PLCG2: variants seen among roughly 807,000 people sequenced by gnomAD.
PLCG2 encodes 1-phosphatidylinositol 4,5-bisphosphate phosphodiesterase gamma-2.
Under a neutral mutation model 175.6 loss-of-function variants are expected in PLCG2, and 69 were observed. The observed-to-expected ratio is 0.39, with a 90% CI of 0.32 to 0.48. PLCG2 has a LOEUF of 0.48. PLCG2 is among the 20% of genes least tolerant of loss of function. The pLI is 0.91. For missense variants in PLCG2, 1,798 were observed against 1,650.9 expected (o/e 1.09, Z -1.54); for synonymous variants, 827 against 624.0 (o/e 1.33, Z -4.85).
chr16:81,937,123 C>T (rs182459862), intron 27 of PLCG2, among the ~76,000 whole-genome samples: 37 of 152,322 alleles, frequency 2.4e-4, no homozygotes, highest in African/African-American at 7.2e-4. Flanking sequence ...CCACTGAAGA[C>T]GTGCCTGAGC....
intron 1 of PLCG2, among the ~76,000 whole-genome samples, chr16:81,781,046 C>T (rs1387200101): frequency 6.6e-6 from 1 of 151,622 alleles, no homozygotes; most frequent in Non-Finnish European, 1.5e-5. Flanking sequence ...AACAAACAAA[C>T]AAACACACAC....
chr16:81,937,719 C>G (rs1201393270), intron 27 of PLCG2, 39 bp from the exon 28 acceptor site: 3 of 1,600,196 alleles, frequency 1.9e-6, no homozygotes, highest in Admixed American at 1.7e-5. Flanking sequence ...CCAGCGTGCT[C>G]ATGCCTGACT....
At chr16:81,882,893 C>T (rs1908156957) in intron 8 of PLCG2, among the ~76,000 whole-genome samples, 1 of 152,112 alleles carries the variant, frequency 6.6e-6, no homozygotes, top group South Asian at 2.1e-4. Context: ...GCCATTCCCA[C>T]TCTTCCCCTC....
intron 2 of PLCG2, among the ~76,000 whole-genome samples, chr16:81,788,550 A>G (rs1380240200): frequency 6.6e-6 from 1 of 152,172 alleles, no homozygotes; most frequent in Non-Finnish European, 1.5e-5. Flanking sequence ...CCCACAAAAG[A>G]GGTTGCCCCC....
chr16:81,901,598 C>T (rs1315192714), intron 14 of PLCG2, among the ~76,000 whole-genome samples: 1 of 152,212 alleles, frequency 6.6e-6, no homozygotes, highest in Non-Finnish European at 1.5e-5. Context: ...AAAAAAATTA[C>T]ATCTTTATTT....
chr16:81,901,611 T>G (rs373593912), intron 14 of PLCG2, among the ~76,000 whole-genome samples: 67 of 152,356 alleles, frequency 4.4e-4, no homozygotes, highest in African/African-American at 1.4e-3. Context: ...CTTTATTTGT[T>G]TAACCTGTAC....
At chr16:81,827,055 G>C (rs1567484793) in intron 2 of PLCG2, among the ~76,000 whole-genome samples, 1 of 152,158 alleles carries the variant, frequency 6.6e-6, no homozygotes, top group Non-Finnish European at 1.5e-5. Flanking sequence ...AGATTCCTAA[G>C]CCCCATGATT....
chr16:81,824,362 G>C (rs949692298), intron 2 of PLCG2, among the ~76,000 whole-genome samples: 1 of 152,146 alleles, frequency 6.6e-6, no homozygotes, highest in Non-Finnish European at 1.5e-5. Flanking sequence ...TTGAACTCCT[G>C]ATCTTAAGTA....
At position 81,808,878 on chromosome 16, in the gene PLCG2, A is replaced by G. The variant is rs140182620; in HGVS notation, c.193+22696A>G. 2.0e-4 allele frequency among the ~76,000 whole-genome samples: 30 copies of G among 152,276 alleles called. No individual in the cohort carries two copies. The East Asian group carries it at 4.6e-3, about 23-fold the overall frequency. ...TATGCAAAATGGGGCTTATCAGAGC[A>G]TGCTGGAGGGGCTCCCATGAGATCA... On this transcript the variant is annotated intron_variant, in intron 2 of 32. Transcript: ENST00000564138.
At chr16:81,758,589 C>T (rs1909976325) in intron 2 of PLCG2, among the ~76,000 whole-genome samples, 1 of 152,094 alleles carries the variant, frequency 6.6e-6, no homozygotes, top group East Asian at 1.9e-4. Context: ...TTTTCCACAG[C>T]AGCTGCAACA....
intron 2 of PLCG2, among the ~76,000 whole-genome samples, chr16:81,832,103 G>T (rs951971553): frequency 8.1e-6 from 1 of 124,134 alleles, no homozygotes. Flanking sequence ...TTTGATAAAT[G>T]GAGGGGGGGA....
At chr16:81,930,315 T>G (rs183042644) in intron 24 of PLCG2, among the ~76,000 whole-genome samples, 163 of 152,370 alleles carry the variant, frequency 1.1e-3, no homozygotes, top group African/African-American at 3.7e-3. Flanking sequence ...TGTAAGATCC[T>G]TTCTCTGTGT....
chr16:81,779,215 G>C (rs1225146316), upstream of PLCG2: 1 of 151,662 alleles, frequency 6.6e-6, no homozygotes, highest in African/African-American at 2.4e-5. Context: ...GCCTGGGGCG[G>C]GGCGAGGCGG....
chr16:81,775,846 G>A (rs555818307), upstream of PLCG2, among the ~76,000 whole-genome samples: 3 of 152,084 alleles, frequency 2.0e-5, no homozygotes, highest in East Asian at 5.8e-4. Context: ...TGACCCATTT[G>A]TGCATCTATG....
At chr16:81,764,554 C>G (rs1910105344) in intron 2 of PLCG2, among the ~76,000 whole-genome samples, 1 of 152,192 alleles carries the variant, frequency 6.6e-6, no homozygotes, top group African/African-American at 2.4e-5. Context: ...CCGTGCAGGT[C>G]TCACCCTCCA....
At chr16:81,889,046 C>T (rs997758597) in intron 9 of PLCG2, 126 bp from the exon 10 acceptor site, 7 of 613,998 alleles carry the variant, frequency 1.1e-5, no homozygotes, top group Admixed American at 2.5e-5. Context: ...ATGTGGTGGT[C>T]GATTGCAAGT....
intron 16 of PLCG2, 114 bp downstream of exon 16, chr16:81,907,888 T>C (rs41311268): frequency 0.015 from 10,642 of 694,278 alleles, 126 homozygotes; most frequent in Non-Finnish European, 0.018. Flanking sequence ...AAGGGGATGC[T>C]CCGCTGAAGA....
intron 1 of PLCG2, among the ~76,000 whole-genome samples, chr16:81,751,240 C>G (rs1265755200): frequency 1.6e-4 from 25 of 152,144 alleles, no homozygotes; most frequent in Non-Finnish European, 5.9e-5. Flanking sequence ...CTCAGCCTCC[C>G]ATAGTGCTGG....
intron 3 of PLCG2, chr16:81,858,048 G>T: frequency 1.9e-6 from 1 of 538,992 alleles, no homozygotes; most frequent in East Asian, 2.9e-5. Flanking sequence ...CATCCCTGTG[G>T]TACAAAGCTC....
Sources: allele counts gnomAD v4.1 joint callset (sites outside exome capture counted in the v4.1 genomes callset), GRCh38; gene constraint gnomAD v4.1.1; transcripts MANE v1.5; gene names NCBI Gene and HGNC (gene_info 2026-07-23, HGNC 2026-07-21).